Variants in ANKLE2 observed in about 807,000 individuals in gnomAD.
ANKLE2 encodes ankyrin repeat and LEM domain containing 2, also known as ankyrin repeat and LEM domain-containing protein 2.
Under a neutral mutation model 84.2 loss-of-function variants are expected in ANKLE2, and 55 were observed. The ratio of observed to expected loss-of-function variants is 0.65; its 90% CI spans 0.53 to 0.82. The LOEUF is 0.82. Among genes scored for constraint, ANKLE2 ranks in the 40% least tolerant of loss-of-function variants. The pLI is 0.00. For missense variants in ANKLE2, 1,238 were observed against 1,201.9 expected (o/e 1.03, Z -0.44); for synonymous variants, 551 against 486.1 (o/e 1.13, Z -1.76).
At position 132,761,610 on chromosome 12, in the gene ANKLE2, G is replaced by A. The variant is rs1392914767; in HGVS notation, c.181+8C>T. ...GGTGCGGGGACCCAGCGACCGCCTG[G>A]GCCTTACCTGAGGCGGGGGCGGCGG... On this transcript the variant is annotated splice_region_variant and intron_variant, in intron 1 of 12. Transcript: ENST00000357997. 1 of 1,242,684 alleles carries A rather than the reference G, an allele frequency of 8.0e-7. No homozygotes were observed. Among genetic ancestry groups the A allele is most frequent in the Admixed American group, 4.3e-5 (1 of 23,392 alleles). The allele number at this position is 1,242,684 out of a possible 1,614,324, so 77.0% of individuals were successfully genotyped here. A position where few individuals can be genotyped will look rare whatever the true frequency, so the allele number is the denominator to read the frequency against.
At chr12:132,740,391 A>C (rs935467470) in intron 7 of ANKLE2, among the ~76,000 whole-genome samples, 6 of 152,222 alleles carry the variant, frequency 3.9e-5, no homozygotes. Context: ...AATTAGGCTC[A>C]GTAGGCCACA....
intron 2 of ANKLE2, among the ~76,000 whole-genome samples, chr12:132,754,027 G>A (rs1416286616): frequency 6.6e-6 from 1 of 151,684 alleles, no homozygotes; most frequent in Non-Finnish European, 1.5e-5. Context: ...TGGATCATGA[G>A]GTCAGGAGTT....
chr12:132,738,103 T>C (rs7300958), intron 7 of ANKLE2: 48 of 150,904 alleles, frequency 3.2e-4, no homozygotes, highest in African/African-American at 1.1e-3. Context: ...AGGTGTGGGC[T>C]GCTGTGCCCG....
chr12:132,747,550 C>A (rs959395316), intron 5 of ANKLE2, among the ~76,000 whole-genome samples: 1 of 152,190 alleles, frequency 6.6e-6, no homozygotes, highest in Non-Finnish European at 1.5e-5. Flanking sequence ...GTGTCCTGTT[C>A]GGCAGAGGAA....
chr12:132,735,459 G>A lies in ANKLE2; in HGVS notation c.1647C>T (p.Phe549=), dbSNP rs770706879. The change falls in exon 9 of 13, where the codon TTC becomes TTT. Residue 549 remains phenylalanine, a synonymous_variant. Transcript: ENST00000357997. ...GGTCCGACTTCTTGACGTGGTGAAG[G>A]AAGCCTGCTTTCTCTCGAGGTGGAG... is the stretch of plus-strand genomic sequence containing the variant. ...WKTPPREKAG[F]LHHVKKSDPE... 1.2e-5 allele frequency: 19 copies of A among 1,613,894 alleles called. No homozygotes were observed. In the African/African-American group the frequency reaches 2.4e-4, roughly 20 times the overall value.
rs2044629041 is a variant in ANKLE2 at position 132,761,659 on chromosome 12, G to A, written c.140C>T (p.Thr47Ile). ...PRPGGLGRSG[T>I]PVPPPSAAAA... ...GGCCGCGCTTGGCGGAGGAACTGGG[G>A]TCCCGCTGCGGCCCAGACCTCCCGG... Residue 47 changes from threonine (T) to isoleucine (I), a missense_variant, in exon 1 of 13, where the codon ACC becomes ATC. This residue lies in a region of ANKLE2 where 422 missense variants were observed against 394.5 expected (regional missense o/e 1.07). Transcript: ENST00000357997. 2.3e-6 allele frequency: 3 copies of A among 1,297,368 alleles called. No individual in the cohort carries two copies. The highest frequency in any genetic ancestry group is 2.9e-6 in the Non-Finnish European group (3 of 1,022,158). 80.4% of individuals were successfully genotyped at this position (1,297,368 alleles called of 1,614,324 possible).
intron 1 of ANKLE2, chr12:132,756,619 T>TC (rs1395517119): frequency 6.6e-6 from 1 of 152,040 alleles, no homozygotes; most frequent in Non-Finnish European, 1.5e-5. Flanking sequence ...AAAAACATGT[T>TC]CGTGATTTAC....
At chr12:132,760,099 A>C (rs985969059) in intron 1 of ANKLE2, 6 of 141,546 alleles carry the variant, frequency 4.2e-5, no homozygotes, top group South Asian at 2.2e-4. Context: ...GCGCCACTGC[A>C]CTCCAGCCTG....
At chr12:132,744,527 C>T (rs2044194737) in intron 5 of ANKLE2, among the ~76,000 whole-genome samples, 1 of 152,142 alleles carries the variant, frequency 6.6e-6, no homozygotes. Flanking sequence ...TCCTACAGCT[C>T]CCTCCCGCCA....
chr12:132,741,980 T>C (rs746560529), intron 6 of ANKLE2: 3 of 371,912 alleles, frequency 8.1e-6, no homozygotes, highest in African/African-American at 2.1e-5. Context: ...ATACGAACTT[T>C]TGCTAGAAAC....
intron 5 of ANKLE2, among the ~76,000 whole-genome samples, chr12:132,746,629 C>G (rs912626138): frequency 6.6e-6 from 1 of 151,852 alleles, no homozygotes; most frequent in Non-Finnish European, 1.5e-5. Flanking sequence ...TTTTTTAATG[C>G]AGTGGACTTT....
chr12:132,746,773 C>G (rs1431156653), intron 5 of ANKLE2, among the ~76,000 whole-genome samples: 1 of 152,190 alleles, frequency 6.6e-6, no homozygotes, highest in East Asian at 1.9e-4. Context: ...GAGGGTTGCT[C>G]AATGGCTGTG....
In ANKLE2 at chr12:132,729,859, T is replaced by C. The variant is rs753763983; in HGVS notation, c.2303A>G (p.Asn768Ser). 2.5e-6 allele frequency: 4 copies of C among 1,613,524 alleles called. No individual in the cohort carries two copies. Among genetic ancestry groups the C allele is most frequent in the Non-Finnish European group, 3.4e-6 (4 of 1,179,862 alleles). Reference sequence around the variant, plus strand: ...CTCTAACAAGTCTCTTTCTACTGCATTGATTCTTGAAGTCAGGATCTGATC... The same window carrying C: ...CTCTAACAAGTCTCTTTCTACTGCACTGATTCTTGAAGTCAGGATCTGATC... ...TKDQILTSRI[N>S]AVERDLLEPS... The change falls in exon 11 of 13, where the codon AAT becomes AGT. Residue 768 changes from asparagine to serine, a missense_variant. This residue lies in a region of ANKLE2 where 802 missense variants were observed against 774.5 expected (regional missense o/e 1.04). Transcript: ENST00000357997.
intron 10 of ANKLE2, among the ~76,000 whole-genome samples, chr12:132,733,254 G>A (rs1371560406): frequency 1.2e-4 from 17 of 142,558 alleles, no homozygotes; most frequent in Non-Finnish European, 2.0e-4. Context: ...GAAGCACTGC[G>A]CGTCCTGGTG....
At chr12:132,753,964 C>A (rs2044418703) in intron 2 of ANKLE2, among the ~76,000 whole-genome samples, 1 of 152,000 alleles carries the variant, frequency 6.6e-6, no homozygotes, top group South Asian at 2.1e-4. Flanking sequence ...ATAAAATGGC[C>A]AGGCGCGGTG....
chr12:132,750,755 G>A lies in ANKLE2; in HGVS notation c.735C>T (p.Asp245=), dbSNP rs766998857. ...AAATTCCTCTAGCAAATTTCTCAGC[G>A]TCTTCTCTGGTAGAAAAAGCTTTAA... is the stretch of plus-strand genomic sequence containing the variant. ...SRFKAFSTRE[D]AEKFARGICD... The change falls in exon 3 of 13, where the codon GAC becomes GAT. Residue 245 remains aspartate (D), a synonymous_variant. Coordinates refer to ENST00000357997, the MANE Select transcript of ANKLE2 (RefSeq NM_015114.3). The A allele has an allele frequency of 1.5e-5, 24 of 1,614,058 alleles. No individual in the cohort carries two copies. The highest frequency in any genetic ancestry group is 4.4e-5 in the South Asian group (4 of 91,086).
chr12:132,745,296 A>T (rs1482308391), intron 5 of ANKLE2: 4 of 195,020 alleles, frequency 2.1e-5, no homozygotes, highest in Admixed American at 5.4e-5. Flanking sequence ...GAGGAGGAAG[A>T]GCTCAGGGCC....
chr12:132,735,742 G>A (rs1252608796), intron 8 of ANKLE2, among the ~76,000 whole-genome samples: 4 of 151,394 alleles, frequency 2.6e-5, no homozygotes, highest in South Asian at 4.2e-4. Context: ...TTGCAGCCCC[G>A]TCTGGGCTGT....
intron 3 of ANKLE2, among the ~76,000 whole-genome samples, chr12:132,749,535 A>T (rs2044312296): frequency 6.6e-6 from 1 of 152,158 alleles, no homozygotes; most frequent in Non-Finnish European, 1.5e-5. Flanking sequence ...GTTAGAAGCC[A>T]CTCTGGTTTC....
Sources: allele counts gnomAD v4.1 joint callset (sites outside exome capture counted in the v4.1 genomes callset), GRCh38; gene constraint gnomAD v4.1.1; regional missense constraint gnomAD v4.1.1; transcripts MANE v1.5; gene names NCBI Gene and HGNC (gene_info 2026-07-23, HGNC 2026-07-21).